The following RBFOX1 variants were observed in gnomAD, a reference collection of about 807,000 sequenced individuals.
The protein encoded by RBFOX1 is RNA binding fox-1 homolog 1, also known as RNA binding protein fox-1 homolog 1.
RBFOX1 carries 8 observed loss-of-function variants against 57.7 expected under a neutral mutation model. The observed-to-expected ratio is 0.14, with a 90% confidence interval of 0.08 to 0.25. RBFOX1 has a LOEUF of 0.25. Among genes scored for constraint, RBFOX1 ranks in the 10% least tolerant of loss-of-function variants. RBFOX1 has a pLI of 1.00. For synonymous variants in RBFOX1, 326 were observed against 222.4 expected, an observed-to-expected ratio of 1.47 and a Z score of -4.15; for missense variants, 611 against 548.5, an observed-to-expected ratio of 1.11 and a Z score of -1.14.
In RBFOX1 at chr16:7,047,716, CTTTTTTTTTTTTTTTTT is replaced by C. The variant is rs55636828; in HGVS notation, c.-15-4328_-15-4312del. ...TATTTGTTCCACAGGTCCTGCATTT[CTTTTTTTTTTTTTTTTT>C]TTTTTTTTTTTTGTCTTCAATTTTT... On this transcript the variant is annotated intron_variant, in intron 3 of 15. Coordinates refer to ENST00000550418, the MANE Select transcript of RBFOX1 (RefSeq NM_018723.4). Among the ~76,000 whole-genome samples, 139 of 47,948 alleles carry C rather than the reference CTTTTTTTTTTTTTTTTT, an allele frequency of 2.9e-3. 1 individual carries two copies. Among genetic ancestry groups the C allele is most frequent in the African/African-American group, 8.1e-3 (132 of 16,224 alleles). The allele number at this position is 47,948 out of a possible 152,430, so 31.5% of individuals were successfully genotyped here.
chr16:7,364,502 A>G (rs1028131058), intron 4 of RBFOX1, among the ~76,000 whole-genome samples: 1 of 151,546 alleles, frequency 6.6e-6, no homozygotes, highest in Non-Finnish European at 1.5e-5. Flanking sequence ...CTAGAAATCT[A>G]CTTGGACTAT....
At chr16:6,681,672 A>G (rs2058674204) in intron 3 of RBFOX1, among the ~76,000 whole-genome samples, 1 of 3,018 alleles carries the variant, frequency 3.3e-4, no homozygotes, top group Non-Finnish European at 2.4e-3. Flanking sequence ...ATTTAACCAG[A>G]AAAAAAAAAA....
In RBFOX1 at chr16:7,707,871, C is replaced by T. The variant is rs557060810; in HGVS notation, c.996-1185C>T. ...CCCTCTCTTCCTCTTGAGGACACCC[C>T]ATTCGGTAAGTCACTTGCACAGGAA... On this transcript the variant is annotated intron_variant, in intron 14 of 15. Transcript: ENST00000550418. 9.8e-5 allele frequency among the ~76,000 whole-genome samples: 15 copies of T among 152,290 alleles called. No homozygotes were observed. The East Asian group carries it at 2.5e-3, about 25-fold the overall frequency.
At chr16:7,396,439 C>G (rs552901859) in intron 4 of RBFOX1, among the ~76,000 whole-genome samples, 1 of 152,078 alleles carries the variant, frequency 6.6e-6, no homozygotes, top group East Asian at 1.9e-4. Flanking sequence ...TTCACAGACT[C>G]CCACCCTGAA....
intron 1 of RBFOX1, among the ~76,000 whole-genome samples, chr16:6,057,858 A>G (rs1397517044): frequency 2.2e-5 from 3 of 137,348 alleles, no homozygotes; most frequent in Non-Finnish European, 4.6e-5. Context: ...TGAGGCAAAC[A>G]TAACTTTGTT....
chr16:7,510,245 C>T (rs575174161), intron 4 of RBFOX1: 40 of 985,878 alleles, frequency 4.1e-5, no homozygotes, highest in Non-Finnish European at 4.6e-5. Context: ...GGGGCAGATG[C>T]TTTGTGGTGT....
chr16:5,653,298 C>CCT (rs2049308257), intron 3 of RBFOX1, among the ~76,000 whole-genome samples: 1 of 148,566 alleles, frequency 6.7e-6, no homozygotes, highest in Non-Finnish European at 1.5e-5. Flanking sequence ...GTGTGCTGGG[C>CCT]TTCAGTGCAG....
At chr16:6,754,019 C>G (rs1490628957) in intron 3 of RBFOX1, among the ~76,000 whole-genome samples, 2 of 152,108 alleles carry the variant, frequency 1.3e-5, no homozygotes, top group East Asian at 3.9e-4. Context: ...GTACCCAACT[C>G]TTGCTGAGTA....
At chr16:5,691,754 A>T (rs2050686430) in intron 3 of RBFOX1, among the ~76,000 whole-genome samples, 1 of 152,156 alleles carries the variant, frequency 6.6e-6, no homozygotes, top group African/African-American at 2.4e-5. Context: ...GTAATCTTAA[A>T]TCCTGTAAAC....
intron 3 of RBFOX1, among the ~76,000 whole-genome samples, chr16:6,951,375 C>A (rs1221478687): frequency 6.6e-6 from 1 of 152,122 alleles, no homozygotes; most frequent in Non-Finnish European, 1.5e-5. Context: ...AAATAAATCA[C>A]CCTAGTATAA....
chr16:6,478,063 C>A (rs887879893), intron 2 of RBFOX1, among the ~76,000 whole-genome samples: 22 of 152,108 alleles, frequency 1.4e-4, no homozygotes, highest in African/African-American at 5.1e-4. Flanking sequence ...CTGGTTTGAT[C>A]TTCCATCTAA....
At chr16:5,341,299 G>A (rs892856156) in intron 1 of RBFOX1, among the ~76,000 whole-genome samples, 2 of 137,988 alleles carry the variant, frequency 1.4e-5, no homozygotes, top group Non-Finnish European at 2.9e-5. Flanking sequence ...GGCATGGTCT[G>A]ATTTATATTG....
intron 5 of RBFOX1, among the ~76,000 whole-genome samples, chr16:7,546,948 T>G (rs946364950): frequency 6.6e-6 from 1 of 152,204 alleles, no homozygotes; most frequent in Non-Finnish European, 1.5e-5. Flanking sequence ...TGCACATTTT[T>G]TAAGGCTTTT....
In RBFOX1 at chr16:6,026,059, C is replaced by G. The variant is rs180714835; in HGVS notation, c.-127+6067C>G. 3.5e-3 allele frequency among the ~76,000 whole-genome samples: 539 copies of G among 152,324 alleles called. 1 individual carries two copies. The highest frequency in any genetic ancestry group is 6.0e-3 in the Non-Finnish European group (406 of 68,020). Reference sequence around the variant, plus strand: ...CAGTTCACCTTATTCGATTCCTGCTCATCCTTCAGGTTACAACTCAAAAGC... The same window carrying G: ...CAGTTCACCTTATTCGATTCCTGCTGATCCTTCAGGTTACAACTCAAAAGC... On this transcript the variant is annotated intron_variant, in intron 1 of 15. Coordinates refer to ENST00000550418, the MANE Select transcript of RBFOX1 (RefSeq NM_018723.4).
At chr16:7,383,685 T>A (rs1297455862) in intron 4 of RBFOX1, among the ~76,000 whole-genome samples, 1 of 152,196 alleles carries the variant, frequency 6.6e-6, no homozygotes, top group East Asian at 1.9e-4. Flanking sequence ...AGAATTGCCT[T>A]AAGTTCCCAT....
At chr16:5,635,201 T>A (rs1370918330) in intron 3 of RBFOX1, among the ~76,000 whole-genome samples, 1 of 152,230 alleles carries the variant, frequency 6.6e-6, no homozygotes, top group Non-Finnish European at 1.5e-5. Context: ...AATCTGTTTG[T>A]ATTGATGGTC....
intron 3 of RBFOX1, among the ~76,000 whole-genome samples, chr16:6,823,904 C>A (rs558193113): frequency 6.6e-6 from 1 of 152,088 alleles, no homozygotes; most frequent in African/African-American, 2.4e-5. Flanking sequence ...AAGGAGCATG[C>A]TGGAGTTACA....
At chr16:5,536,701 G>A (rs1475035760) in intron 2 of RBFOX1, among the ~76,000 whole-genome samples, 1 of 152,072 alleles carries the variant, frequency 6.6e-6, no homozygotes, top group African/African-American at 2.4e-5. Flanking sequence ...AGCAGAGAAG[G>A]GAAATGGAAC....
intron 3 of RBFOX1, among the ~76,000 whole-genome samples, chr16:6,871,863 C>G (rs772448246): frequency 6.6e-6 from 1 of 151,332 alleles, no homozygotes; most frequent in African/African-American, 2.4e-5. Context: ...AAATCCGCAT[C>G]TGATGGCACT....
Sources: allele counts gnomAD v4.1 joint callset (sites outside exome capture counted in the v4.1 genomes callset), GRCh38; gene constraint gnomAD v4.1.1; transcripts MANE v1.5; gene names NCBI Gene and HGNC (gene_info 2026-07-23, HGNC 2026-07-21).